The following STAT3 variants were observed in gnomAD, a reference collection of about 807,000 sequenced individuals.
The protein encoded by STAT3 is DNA-binding protein APRF.
In STAT3, 7 loss-of-function variants were observed where a neutral mutation model predicts 114.3. The observed-to-expected ratio is 0.06, with a 90% CI of 0.03 to 0.11. STAT3 has a LOEUF of 0.11. Among genes scored for constraint, STAT3 ranks in the 10% least tolerant of loss-of-function variants. The probability of loss-of-function intolerance (pLI) is 1.00; values close to 1 mark genes in which losing one functional copy is unlikely to be tolerated. For synonymous variants in STAT3, 331 were observed against 354.5 expected, an observed-to-expected ratio of 0.93 and a Z score of 0.74; for missense variants, 364 against 960.9, an observed-to-expected ratio of 0.38 and a Z score of 8.21.
At chr17:42,330,823 T>G (rs1598409148) in intron 11 of STAT3, among the ~76,000 whole-genome samples, 1 of 152,156 alleles carries the variant, frequency 6.6e-6, no homozygotes, top group East Asian at 1.9e-4. Context: ...TATGGTAAAG[T>G]GTGGAACAAT....
chr17:42,315,117 A>C lies in STAT3; in HGVS notation c.*628T>G. 1 of 196,296 alleles carries C rather than the reference A, an allele frequency of 5.1e-6. No homozygotes were observed. The highest frequency in any genetic ancestry group is 8.1e-5 in the East Asian group (1 of 12,406). 12.2% of individuals were successfully genotyped at this position (196,296 alleles called of 1,614,324 possible). A position where few individuals can be genotyped will look rare whatever the true frequency, so the allele number is the denominator to read the frequency against. Reference sequence around the variant, plus strand: ...CCTTATGATCCGCCTCGGCCTCCCAAAGTGCTGGGATTACAGGCGTGAGCC... The same window carrying C: ...CCTTATGATCCGCCTCGGCCTCCCACAGTGCTGGGATTACAGGCGTGAGCC... On this transcript the variant is annotated 3_prime_UTR_variant, in exon 24 of 24. Transcript: ENST00000264657.
rs941855666 is a variant in STAT3 at position 42,369,675 on chromosome 17, G to A, written c.-24+18604C>T. On this transcript the variant is annotated intron_variant, in intron 1 of 23. Transcript: ENST00000264657. ...TGTTTTGTTTTGTTTCTAAGAGACAGGGTCTCACTCTGTGGCCCAGGCTGG... is the reference window on the plus strand; with the variant it reads ...TGTTTTGTTTTGTTTCTAAGAGACAAGGTCTCACTCTGTGGCCCAGGCTGG... 4.6e-5 allele frequency among the ~76,000 whole-genome samples: 7 copies of A among 151,948 alleles called. No homozygotes were observed. The South Asian group carries it at 1.2e-3, about 27-fold the overall frequency.
intron 1 of STAT3, among the ~76,000 whole-genome samples, chr17:42,350,010 C>T (rs1457512838): frequency 1.3e-5 from 2 of 151,494 alleles, no homozygotes; most frequent in Non-Finnish European, 2.9e-5. Context: ...GAGCTGAGAT[C>T]GTGCCACTGC....
At chr17:42,386,004 G>A (rs549536668) in intron 1 of STAT3, among the ~76,000 whole-genome samples, 1 of 152,158 alleles carries the variant, frequency 6.6e-6, no homozygotes, top group African/African-American at 2.4e-5. Context: ...GATACTTACT[G>A]GGCGCGGTGG....
chr17:42,366,080 C>T (rs1206387258), intron 1 of STAT3, among the ~76,000 whole-genome samples: 1 of 152,166 alleles, frequency 6.6e-6, no homozygotes, highest in East Asian at 1.9e-4. Context: ...CTAGCCCCAT[C>T]CGCTAATATG....
At chr17:42,319,070 G>C (rs1010727846) in intron 21 of STAT3, among the ~76,000 whole-genome samples, 3 of 152,206 alleles carry the variant, frequency 2.0e-5, no homozygotes, top group African/African-American at 7.2e-5. Flanking sequence ...GGGAAACCCT[G>C]TCTTTAATGA....
At chr17:42,384,132 A>ATTTTTT (rs371933640) in intron 1 of STAT3, among the ~76,000 whole-genome samples, 2 of 134,970 alleles carry the variant, frequency 1.5e-5, no homozygotes, top group Admixed American at 7.4e-5. Context: ...TTATTTATTT[A>ATTTTTT]TTTTTTTTTT....
At chr17:42,382,195 G>A (rs2084836555) in intron 1 of STAT3, among the ~76,000 whole-genome samples, 1 of 152,164 alleles carries the variant, frequency 6.6e-6, no homozygotes, top group Admixed American at 6.5e-5. Flanking sequence ...CAATAATGAT[G>A]ACTTTCTCTC....
intron 1 of STAT3, among the ~76,000 whole-genome samples, chr17:42,376,825 A>G (rs889037781): frequency 6.9e-5 from 10 of 145,934 alleles, no homozygotes; most frequent in Admixed American, 2.9e-4. Context: ...CAGCCTGGGC[A>G]ACAGAATGAG....
rs573150320 is a variant in STAT3, at chr17:42,333,127, C to T, written c.1049+546G>A. On this transcript the variant is annotated intron_variant, in intron 10 of 23. Transcript: ENST00000264657. The surrounding 1 kb of genome is among the most constrained non-coding windows in gnomAD (Gnocchi z 5.2). ...CAAAGCCATATAATGAAAAATATTA[C>T]AGGAACACATGCTGTGCAGCTGGCA... is the stretch of plus-strand genomic sequence containing the variant. Among the ~76,000 whole-genome samples the T allele has an allele frequency of 2.6e-5, 4 of 152,200 alleles. No homozygotes were observed. Among genetic ancestry groups the T allele is most frequent in the African/African-American group, 9.7e-5 (4 of 41,442 alleles).
intron 8 of STAT3, among the ~76,000 whole-genome samples, chr17:42,336,231 C>T (rs1000740251): frequency 2.0e-5 from 3 of 152,074 alleles, no homozygotes; most frequent in Admixed American, 1.3e-4. Context: ...CACTATAGGG[C>T]CTTGCACAGG....
In STAT3 at chr17:42,329,473, A is replaced by G. The variant is rs766793138; in HGVS notation, c.1234-16T>C. The G allele has an allele frequency of 6.2e-7, 1 of 1,614,176 alleles. No individual in the cohort carries two copies. Among genetic ancestry groups the G allele is most frequent in the Admixed American group, 1.7e-5 (1 of 60,024 alleles). On this transcript the variant is annotated splice_polypyrimidine_tract_variant and intron_variant, in intron 13 of 23. Transcript: ENST00000264657. Reference sequence around the variant, plus strand: ...CCCTCAGGGTCTGTAAGAAAAGAAAAAGGCAGGTGTCCTGTGAGGCTCTCC... The same window carrying G: ...CCCTCAGGGTCTGTAAGAAAAGAAAGAGGCAGGTGTCCTGTGAGGCTCTCC...
rs2081185326 is a variant in STAT3, at chr17:42,314,591, A to C, written c.*1154T>G. The C allele has an allele frequency of 4.3e-6, 1 of 232,270 alleles. No individual in the cohort carries two copies. Among genetic ancestry groups the C allele is most frequent in the African/African-American group, 2.2e-5 (1 of 45,240 alleles). 14.4% of individuals were successfully genotyped at this position (232,270 alleles called of 1,614,324 possible). ...GCAGATCAAGTCCAGGGAGAAAGGG[A>C]GTCAAGGTTGTAAGCACCCTCTGCC... On this transcript the variant is annotated 3_prime_UTR_variant, in exon 24 of 24. Transcript: ENST00000264657.
intron 15 of STAT3, 100 bp downstream of exon 15, chr17:42,326,016 C>A: frequency 9.1e-7 from 1 of 1,101,234 alleles, no homozygotes; most frequent in Non-Finnish European, 1.4e-6. Flanking sequence ...GTTAAGCAAA[C>A]AGTAATCATT....
chr17:42,382,207 C>T (rs1358485794), intron 1 of STAT3, among the ~76,000 whole-genome samples: 4 of 152,244 alleles, frequency 2.6e-5, no homozygotes, highest in Non-Finnish European at 5.9e-5. Context: ...CTTTCTCTCA[C>T]TCCTGAAAAG....
In STAT3 at chr17:42,316,824, C is replaced by A; in HGVS notation, c.2222G>T (p.Gly741Val). Reference protein sequence around the residue: ...LDSLMQFGNNGEGAEPSAGGQ... With the variant: ...LDSLMQFGNNVEGAEPSAGGQ... ...TCCTGCTGAGGGTTCAGCACCTTCACCATTATTTCCAAACTGCATCAATGA... is the reference window on the plus strand; with the variant it reads ...TCCTGCTGAGGGTTCAGCACCTTCAACATTATTTCCAAACTGCATCAATGA... Residue 741 changes from glycine to valine, a missense_variant, in exon 23 of 24, where the codon GGT becomes GTT. This residue lies in a region of STAT3 where 37 missense variants were observed against 66.5 expected (regional missense o/e 0.56). Coordinates refer to ENST00000264657, the MANE Select transcript of STAT3 (RefSeq NM_139276.3). 3 of 1,613,812 alleles carry A rather than the reference C, an allele frequency of 1.9e-6. No individual in the cohort carries two copies. The highest frequency in any genetic ancestry group is 2.5e-6 in the Non-Finnish European group (3 of 1,179,990).
intron 1 of STAT3, among the ~76,000 whole-genome samples, chr17:42,358,501 A>G (rs1228353709): frequency 6.6e-6 from 1 of 152,232 alleles, no homozygotes; most frequent in Non-Finnish European, 1.5e-5. Context: ...GTTGATTGTT[A>G]AAGCTGCCTA....
chr17:42,355,960 A>G (rs979430664), intron 1 of STAT3, among the ~76,000 whole-genome samples: 1 of 152,182 alleles, frequency 6.6e-6, no homozygotes, highest in Non-Finnish European at 1.5e-5. Context: ...TGATCTAAAG[A>G]TAACTTCTGT....
chr17:42,354,412 C>T (rs562814128), intron 1 of STAT3, among the ~76,000 whole-genome samples: 1 of 150,616 alleles, frequency 6.6e-6, no homozygotes, highest in African/African-American at 2.4e-5. Context: ...TCGTGATCCG[C>T]CCGCCTCGGC....
Sources: allele counts gnomAD v4.1 joint callset (sites outside exome capture counted in the v4.1 genomes callset), GRCh38; gene constraint gnomAD v4.1.1; regional missense constraint gnomAD v4.1.1; non-coding constraint Gnocchi (gnomAD v3.1); transcripts MANE v1.5; gene names NCBI Gene and HGNC (gene_info 2026-07-23, HGNC 2026-07-21).